Variants in CDH13 observed in about 807,000 individuals in gnomAD.
CDH13 encodes the protein cadherin 13, also known as cadherin-13.
Under a neutral mutation model 63.8 loss-of-function variants are expected in CDH13, and 24 were observed. The observed-to-expected ratio is 0.38, with a 90% confidence interval of 0.27 to 0.53. CDH13 has a LOEUF of 0.53. CDH13 is among the 20% of genes least tolerant of loss of function. The pLI is 0.85. For synonymous variants in CDH13, 503 were observed against 355.3 expected, an observed-to-expected ratio of 1.42 and a Z score of -4.67; for missense variants, 1,049 against 903.1, an observed-to-expected ratio of 1.16 and a Z score of -2.07.
intron 5 of CDH13, among the ~76,000 whole-genome samples, chr16:83,263,246 A>G (rs572771507): frequency 6.6e-6 from 1 of 152,376 alleles, no homozygotes; most frequent in Admixed American, 6.5e-5. Flanking sequence ...GAAAGCAACA[A>G]TTCCACCTTT....
At chr16:82,847,443 A>C (rs760936789) in intron 1 of CDH13, among the ~76,000 whole-genome samples, 18 of 152,092 alleles carry the variant, frequency 1.2e-4, no homozygotes, top group Non-Finnish European at 2.4e-4. Context: ...TCCATCTTCA[A>C]AGTCAGCAAT....
At chr16:83,370,061 C>T (rs2091335886) in intron 6 of CDH13, among the ~76,000 whole-genome samples, 1 of 152,170 alleles carries the variant, frequency 6.6e-6, no homozygotes, top group Admixed American at 6.5e-5. Flanking sequence ...TCCAATATCT[C>T]CTGCTACTCA....
chr16:82,704,419 T>TATTC (rs2031311587), intron 1 of CDH13, among the ~76,000 whole-genome samples: 1 of 152,244 alleles, frequency 6.6e-6, no homozygotes, highest in Admixed American at 6.5e-5. Flanking sequence ...GTTCTTCATT[T>TATTC]ATTCATTCAT....
chr16:83,744,605 G>GGGGACC, intron 10 of CDH13, among the ~76,000 whole-genome samples: 1 of 152,254 alleles, frequency 6.6e-6, no homozygotes. Flanking sequence ...AAACATTCCA[G>GGGGACC]GGGACCGTGT....
At chr16:82,685,398 C>T (rs1271922891) in intron 1 of CDH13, among the ~76,000 whole-genome samples, 3 of 152,156 alleles carry the variant, frequency 2.0e-5, no homozygotes, top group African/African-American at 7.2e-5. Context: ...TTCATAATGG[C>T]TCATCCTCAT....
chr16:82,842,255 A>G (rs1354458204), intron 1 of CDH13, among the ~76,000 whole-genome samples: 3 of 150,812 alleles, frequency 2.0e-5, no homozygotes, highest in African/African-American at 4.9e-5. Context: ...GTTATCAAAG[A>G]CAAGGAATTT....
chr16:83,004,799 G>A (rs953422232), intron 2 of CDH13, among the ~76,000 whole-genome samples: 2 of 152,146 alleles, frequency 1.3e-5, no homozygotes, highest in African/African-American at 4.8e-5. Flanking sequence ...CCCAGCCAAG[G>A]ACTCATGTTT....
At chr16:83,141,686 G>A (rs2036535608) in intron 4 of CDH13, among the ~76,000 whole-genome samples, 1 of 152,052 alleles carries the variant, frequency 6.6e-6, no homozygotes, top group African/African-American at 2.4e-5. Flanking sequence ...ACCCCCAACA[G>A]GCCCCAGTGT....
intron 5 of CDH13, among the ~76,000 whole-genome samples, chr16:83,261,298 C>T (rs779977775): frequency 3.3e-5 from 5 of 152,248 alleles, no homozygotes; most frequent in South Asian, 2.1e-4. Context: ...AGCTCATTAC[C>T]GATACGTTAA....
chr16:83,178,821 T>A (rs1480656291), intron 4 of CDH13, among the ~76,000 whole-genome samples: 1 of 152,136 alleles, frequency 6.6e-6, no homozygotes, highest in Admixed American at 6.6e-5. Flanking sequence ...CTTTAATTAA[T>A]GCTCATTAAG....
In CDH13 at chr16:82,801,085, T is replaced by G. The variant is rs533962004; in HGVS notation, c.46-57277T>G. Among the ~76,000 whole-genome samples the G allele has an allele frequency of 1.4e-3, 220 of 152,292 alleles. 1 individual carries two copies. Among genetic ancestry groups the G allele is most frequent in the African/African-American group, 4.9e-3 (204 of 41,572 alleles). On this transcript the variant is annotated intron_variant, in intron 1 of 13. Coordinates refer to ENST00000567109, the MANE Select transcript of CDH13 (RefSeq NM_001257.5). ...TTCAAGTACTCTCAGGAGCTCTTGA[T>G]GCTTAGACTCTAGAAAATGTTGGGT...
At chr16:83,566,929 A>G (rs1267711604) in intron 7 of CDH13, among the ~76,000 whole-genome samples, 1 of 152,088 alleles carries the variant, frequency 6.6e-6, no homozygotes, top group Non-Finnish European at 1.5e-5. Flanking sequence ...CCTTATTCCC[A>G]CCCTCATCCC....
chr16:83,764,827 A>C (rs1945672091), intron 11 of CDH13, among the ~76,000 whole-genome samples: 1 of 152,254 alleles, frequency 6.6e-6, no homozygotes, highest in Middle Eastern at 3.4e-3. Context: ...AGCCCTCGCA[A>C]TGGCCTCCAT....
intron 1 of CDH13, among the ~76,000 whole-genome samples, chr16:82,744,731 A>G (rs1406390380): frequency 6.6e-6 from 1 of 152,180 alleles, no homozygotes; most frequent in African/African-American, 2.4e-5. Flanking sequence ...TTCTATACAC[A>G]TGATCGCATT....
chr16:82,811,311 C>G (rs2037434144), intron 1 of CDH13, among the ~76,000 whole-genome samples: 1 of 152,082 alleles, frequency 6.6e-6, no homozygotes, highest in Non-Finnish European at 1.5e-5. Flanking sequence ...CAAAAGTCAG[C>G]TGTTAAACAT....
At chr16:83,274,633 C>T (rs2088927373) in intron 5 of CDH13, among the ~76,000 whole-genome samples, 1 of 152,126 alleles carries the variant, frequency 6.6e-6, no homozygotes, top group Admixed American at 6.5e-5. Flanking sequence ...GTGAAACTTG[C>T]TGAATGAGTT....
At chr16:82,810,400 T>C (rs1256585362) in intron 1 of CDH13, among the ~76,000 whole-genome samples, 1 of 152,170 alleles carries the variant, frequency 6.6e-6, no homozygotes, top group African/African-American at 2.4e-5. Context: ...AGAAAAGCAC[T>C]GGACAGTTTC....
chr16:83,489,188 T>A (rs1483536505), intron 7 of CDH13, among the ~76,000 whole-genome samples: 1 of 152,238 alleles, frequency 6.6e-6, no homozygotes, highest in Non-Finnish European at 1.5e-5. Flanking sequence ...AAAGTGATAA[T>A]GTAGTAAATT....
At chr16:82,749,378 G>C (rs1418854447) in intron 1 of CDH13, among the ~76,000 whole-genome samples, 1 of 152,200 alleles carries the variant, frequency 6.6e-6, no homozygotes, top group Non-Finnish European at 1.5e-5. Flanking sequence ...ACGAGTAATA[G>C]TTTGAAGAGA....
Sources: allele counts gnomAD v4.1 joint callset (sites outside exome capture counted in the v4.1 genomes callset), GRCh38; gene constraint gnomAD v4.1.1; transcripts MANE v1.5; gene names NCBI Gene and HGNC (gene_info 2026-07-23, HGNC 2026-07-21).